The following ROBO2 variants were observed in gnomAD, a reference collection of about 807,000 sequenced individuals.
ROBO2 encodes roundabout homolog 2.
Under a neutral mutation model 160.8 loss-of-function variants are expected in ROBO2, and 53 were observed. That is an observed-to-expected ratio of 0.33 (90% confidence interval 0.26 to 0.41). The LOEUF is 0.41. Among genes scored for constraint, ROBO2 ranks in the 10% least tolerant of loss-of-function variants. The pLI is 1.00. For missense variants in ROBO2, 1,577 were observed against 1,722.4 expected, an observed-to-expected ratio of 0.92 and a Z score of 1.49; for synonymous variants, 664 against 611.7, an observed-to-expected ratio of 1.09 and a Z score of -1.26.
intron 2 of ROBO2, among the ~76,000 whole-genome samples, chr3:77,025,570 C>T (rs1015074232): frequency 2.0e-5 from 3 of 152,126 alleles, no homozygotes; most frequent in Non-Finnish European, 2.9e-5. Context: ...TAAGGTTAGA[C>T]AAAAGATTCA....
At chr3:77,380,750 G>C (rs1463645223) in intron 2 of ROBO2, among the ~76,000 whole-genome samples, 1 of 145,694 alleles carries the variant, frequency 6.9e-6, no homozygotes, top group East Asian at 2.1e-4. Flanking sequence ...ACAGGTGTGA[G>C]TGTTACAGAG....
At chr3:76,236,536 C>T (rs773629254) in intron 2 of ROBO2, among the ~76,000 whole-genome samples, 5 of 152,144 alleles carry the variant, frequency 3.3e-5, no homozygotes, top group Admixed American at 1.3e-4. Context: ...AAGTTTGAAT[C>T]GTGGTTAAGT....
At chr3:76,300,971 C>T (rs1466838200) in intron 2 of ROBO2, among the ~76,000 whole-genome samples, 4 of 151,794 alleles carry the variant, frequency 2.6e-5, no homozygotes, top group South Asian at 2.1e-4. Context: ...AGATGGGTGG[C>T]GATAAGAGGG....
chr3:77,299,956 A>T (rs549468407), intron 2 of ROBO2, among the ~76,000 whole-genome samples: 4 of 152,210 alleles, frequency 2.6e-5, no homozygotes, highest in African/African-American at 4.8e-5. Context: ...TCAATATGGG[A>T]TTCAAATGTT....
intron 2 of ROBO2, among the ~76,000 whole-genome samples, chr3:76,829,659 C>CA (rs1373722250): frequency 2.1e-5 from 3 of 144,344 alleles, no homozygotes; most frequent in Non-Finnish European, 4.6e-5. Context: ...CCTTTTCTTT[C>CA]TTTTTTTTTC....
intron 2 of ROBO2, among the ~76,000 whole-genome samples, chr3:76,879,338 CTGGGGTGT>C (rs2073105752): frequency 6.6e-6 from 1 of 152,002 alleles, no homozygotes; most frequent in Admixed American, 6.6e-5. Flanking sequence ...CTTAGTAGGT[CTGGGGTGT>C]GTGTCTAAGA....
chr3:76,987,355 G>C (rs4131779), intron 2 of ROBO2, among the ~76,000 whole-genome samples: 27,909 of 152,062 alleles, frequency 0.18, 2,644 homozygotes, highest in Non-Finnish European at 0.2. Context: ...GTGTAGTGGG[G>C]GGGAGGGAAT....
At chr3:77,221,751 C>A (rs2151200963) in intron 2 of ROBO2, among the ~76,000 whole-genome samples, 1 of 152,070 alleles carries the variant, frequency 6.6e-6, no homozygotes, top group South Asian at 2.1e-4. Context: ...AAGGGGATTT[C>A]TGTGAAGATA....
intron 2 of ROBO2, among the ~76,000 whole-genome samples, chr3:76,090,259 G>A (rs549312000): frequency 1.2e-4 from 19 of 152,032 alleles, no homozygotes; most frequent in East Asian, 1.2e-3. Context: ...TCAGGGGTTC[G>A]AGACCAGCCT....
chr3:76,398,585 A>G (rs1248776310), intron 2 of ROBO2, among the ~76,000 whole-genome samples: 1 of 151,766 alleles, frequency 6.6e-6, no homozygotes, highest in Non-Finnish European at 1.5e-5. Context: ...ACCCTCTTCC[A>G]TTTTCACACA....
At chr3:77,500,689 T>C (rs1037944275) in intron 5 of ROBO2, among the ~76,000 whole-genome samples, 1 of 152,188 alleles carries the variant, frequency 6.6e-6, no homozygotes, top group Non-Finnish European at 1.5e-5. Context: ...CAGGATTAAT[T>C]GACAACTTTC....
At chr3:77,493,259 T>A (rs2086361922) in exon 5 of ROBO2, 3 of 1,613,954 alleles carry the variant, frequency 1.9e-6, no homozygotes, top group Non-Finnish European at 2.5e-6. Flanking sequence ...CCCACATTTC[T>A]CAGGAGGCCA....
intron 2 of ROBO2, among the ~76,000 whole-genome samples, chr3:76,686,388 A>G (rs1381195806): frequency 6.6e-6 from 1 of 152,222 alleles, no homozygotes; most frequent in East Asian, 1.9e-4. Flanking sequence ...AAATTACTTA[A>G]AAAGAATCCA....
At chr3:77,447,158 A>G (rs1301096281) in intron 2 of ROBO2, among the ~76,000 whole-genome samples, 1 of 152,108 alleles carries the variant, frequency 6.6e-6, no homozygotes, top group Non-Finnish European at 1.5e-5. Context: ...TTTAATTGAT[A>G]CTACACCTTG....
At chr3:77,293,426 G>A (rs1201822124) in intron 2 of ROBO2, among the ~76,000 whole-genome samples, 2 of 148,234 alleles carry the variant, frequency 1.3e-5, no homozygotes, top group African/African-American at 5.2e-5. Context: ...AAACGGGTAA[G>A]CTGAGGCTAG....
rs1263075840 is a variant in ROBO2, at chr3:76,782,021, T to A, written c.110-315993T>A. 2.0e-5 allele frequency among the ~76,000 whole-genome samples: 3 copies of A among 150,902 alleles called. No homozygotes were observed. The East Asian group carries it at 5.9e-4, about 30-fold the overall frequency. ...TTGTTGCTCTTGGGAGGTTTTTGAT[T>A]ACGGATTCAGTCTACTTGTATGTTA... On this transcript the variant is annotated intron_variant, in intron 2 of 26. Coordinates refer to the ROBO2 transcript ENST00000487694.
chr3:76,021,017 CTCTT>C (rs2066560338), intron 2 of ROBO2, among the ~76,000 whole-genome samples: 1 of 151,822 alleles, frequency 6.6e-6, no homozygotes, highest in African/African-American at 2.4e-5. Flanking sequence ...TTCTCTCTCT[CTCTT>C]TCTTCATCCT....
rs551632703 is a variant in ROBO2, at chr3:75,931,557, G to T, written c.-13-5924G>T. ...AGTAGAGATGGGGTTTTGCCATGTT[G>T]ATCAGACTGGTCTTAAACTCCTGGA... On this transcript the variant is annotated intron_variant, in intron 1 of 26. Coordinates refer to the ROBO2 transcript ENST00000487694. Among the ~76,000 whole-genome samples the T allele has an allele frequency of 1.6e-4, 24 of 152,190 alleles. No individual in the cohort carries two copies. In the East Asian group the frequency reaches 4.6e-3, roughly 29 times the overall value.
At chr3:77,073,887 C>T (rs1193463327) in intron 1 of ROBO2, among the ~76,000 whole-genome samples, 1 of 152,146 alleles carries the variant, frequency 6.6e-6, no homozygotes, top group African/African-American at 2.4e-5. Flanking sequence ...AGCTTTATGC[C>T]TAGTTGGTGA....
Sources: allele counts gnomAD v4.1 joint callset (sites outside exome capture counted in the v4.1 genomes callset), GRCh38; gene constraint gnomAD v4.1.1; transcripts MANE v1.5; gene names NCBI Gene and HGNC (gene_info 2026-07-23, HGNC 2026-07-21).